Variants in LRP1B observed in about 807,000 individuals in gnomAD.
LRP1B encodes LDL receptor related protein 1B.
Under a neutral mutation model 556.6 loss-of-function variants are expected in LRP1B, and 217 were observed. The observed-to-expected ratio is 0.39, with a 90% confidence interval of 0.35 to 0.44. The LOEUF is 0.44. Ranked by LOEUF, LRP1B falls within the 20% of genes least tolerant of loss-of-function variation. The pLI is 1.00. For missense variants in LRP1B, 5,053 were observed against 5,620.8 expected (o/e 0.90, Z 3.23); for synonymous variants, 2,047 against 1,865.8 (o/e 1.10, Z -2.50).
At chr2:140,359,737 T>C (rs758556970) in intron 72 of LRP1B, among the ~76,000 whole-genome samples, 1 of 151,664 alleles carries the variant, frequency 6.6e-6, no homozygotes, top group Non-Finnish European at 1.5e-5. Context: ...CAATTCTCTA[T>C]CTAGTTCAAA....
intron 72 of LRP1B, among the ~76,000 whole-genome samples, chr2:140,360,566 A>C (rs915890369): frequency 6.6e-6 from 1 of 151,572 alleles, no homozygotes. Flanking sequence ...ATTAACTTCA[A>C]AATCACCACC....
intron 47 of LRP1B, among the ~76,000 whole-genome samples, chr2:140,532,949 C>CTATATCTATATCTATATCTAT (rs1343861885): frequency 2.3e-5 from 1 of 43,472 alleles, no homozygotes. Context: ...TATATATATA[C>CTATATCTATATCTATATCTAT]ACATATATAT....
In LRP1B at chr2:141,274,674, C is replaced by T. The variant is rs549394979; in HGVS notation, c.344-20033G>A. Among the ~76,000 whole-genome samples, 326 of 152,172 alleles carry T rather than the reference C, an allele frequency of 2.1e-3. 1 individual carries two copies. The highest frequency in any genetic ancestry group is 7.3e-3 in the African/African-American group (302 of 41,524). ...AATATATTAAAAATCTTTAGATTTT[C>T]ATACTTCAGTTGGGTAAATTGTATG... On this transcript the variant is annotated intron_variant, in intron 3 of 90. Coordinates refer to ENST00000389484, the MANE Select transcript of LRP1B (RefSeq NM_018557.3).
chr2:140,548,956 CA>C (rs1378334318), intron 43 of LRP1B, among the ~76,000 whole-genome samples: 2 of 151,764 alleles, frequency 1.3e-5, no homozygotes, highest in African/African-American at 4.8e-5. Context: ...CAAACAAAAA[CA>C]AAAAAACTGT....
intron 66 of LRP1B, among the ~76,000 whole-genome samples, chr2:140,394,722 G>C (rs1684176749): frequency 1.3e-5 from 2 of 152,124 alleles, no homozygotes; most frequent in South Asian, 4.2e-4. Context: ...TGTGTCTAAG[G>C]AGAAAGCAAA....
intron 5 of LRP1B, among the ~76,000 whole-genome samples, chr2:141,241,047 CAT>C (rs1403246355): frequency 1.3e-5 from 2 of 152,006 alleles, no homozygotes; most frequent in African/African-American, 4.8e-5. Context: ...CCAAAACCAA[CAT>C]AGAATATTCA....
intron 67 of LRP1B, among the ~76,000 whole-genome samples, chr2:140,384,911 TG>T (rs1353287722): frequency 2.0e-5 from 3 of 152,194 alleles, no homozygotes; most frequent in Non-Finnish European, 4.4e-5. Context: ...TAAACATGCT[TG>T]TATAGCTTTC....
chr2:142,013,979 A>G (rs900134665), intron 1 of LRP1B, among the ~76,000 whole-genome samples: 32 of 152,286 alleles, frequency 2.1e-4, no homozygotes, highest in African/African-American at 7.5e-4. Context: ...AGGAATTCCT[A>G]TTTTTGCCTT....
At chr2:141,923,984 A>G (rs1700267693) in intron 1 of LRP1B, among the ~76,000 whole-genome samples, 1 of 152,046 alleles carries the variant, frequency 6.6e-6, no homozygotes, top group Non-Finnish European at 1.5e-5. Context: ...ATTGATATGG[A>G]CAGGAGACAG....
At chr2:141,639,070 A>G (rs1469443086) in intron 2 of LRP1B, among the ~76,000 whole-genome samples, 2 of 123,672 alleles carry the variant, frequency 1.6e-5, no homozygotes, top group African/African-American at 5.8e-5. Flanking sequence ...CAGTATCCAT[A>G]AGTGGCACTG....
In LRP1B at chr2:140,922,970, C is replaced by T. The variant is rs2105258169; in HGVS notation, c.3314G>A (p.Ser1105Asn). Residue 1105 changes from serine (S) to asparagine (N), a missense_variant, in exon 21 of 91, where the codon AGT becomes AAT. Ser to Asn is a conservative substitution (Grantham distance 46). This residue lies in a region of LRP1B where 3,619 missense variants were observed against 3,931.9 expected (regional missense o/e 0.92). Transcript: ENST00000389484. ...CDHKTKFSCWSTGRCINKAWV... is the reference protein window; with the variant it reads ...CDHKTKFSCWNTGRCINKAWV... Reference sequence around the variant, plus strand: ...CAAAAGCAATGTTCACTTACCTGTACTCCAACAGGAAAACTTGGTTTTGTG... The same window carrying T: ...CAAAAGCAATGTTCACTTACCTGTATTCCAACAGGAAAACTTGGTTTTGTG... 1.2e-6 allele frequency: 2 copies of T among 1,612,002 alleles called. No homozygotes were observed. Among genetic ancestry groups the T allele is most frequent in the Non-Finnish European group, 1.7e-6 (2 of 1,178,720 alleles).
intron 37 of LRP1B, among the ~76,000 whole-genome samples, chr2:140,702,828 ATC>A (rs1686697277): frequency 6.6e-6 from 1 of 152,018 alleles, no homozygotes; most frequent in Non-Finnish European, 1.5e-5. Context: ...CTCTTCTCCA[ATC>A]TGTTTGCCTA....
At chr2:140,788,125 C>T (rs968882238) in intron 32 of LRP1B, among the ~76,000 whole-genome samples, 6 of 152,040 alleles carry the variant, frequency 3.9e-5, no homozygotes, top group Non-Finnish European at 5.9e-5. Flanking sequence ...AGAAACATTC[C>T]ACCATATTAA....
rs533073798 is a variant in LRP1B, at chr2:140,491,635, CA to C, written c.9120+972del. Among the ~76,000 whole-genome samples the C allele has an allele frequency of 1.1e-4, 16 of 152,036 alleles. No homozygotes were observed. The South Asian group carries it at 1.9e-3, about 18-fold the overall frequency. On this transcript the variant is annotated intron_variant, in intron 57 of 90. Transcript: ENST00000389484. ...ATAAACTAGGAAACTATTTGGGCAG[CA>C]AAAAACTTTCCCTCTTGAAGCAGTT... is the stretch of plus-strand genomic sequence containing the variant.
intron 2 of LRP1B, among the ~76,000 whole-genome samples, chr2:141,696,346 A>T (rs73963530): frequency 0.018 from 2,758 of 152,100 alleles, 86 homozygotes; most frequent in African/African-American, 0.063. Flanking sequence ...TCATCAAATA[A>T]TCATGCTGAA....
rs1420551700 is a variant in LRP1B at position 141,229,276 on chromosome 2, T to G, written c.757A>C (p.Arg253=). 3.7e-6 allele frequency: 6 copies of G among 1,611,652 alleles called. No homozygotes were observed. The highest frequency in any genetic ancestry group is 4.2e-6 in the Non-Finnish European group (5 of 1,177,962). ...NEDMICWIES[R]ESSNQLKCIQ... ...CATTTGAGTTGATTTGAAGATTCTC[T>G]TGATTCAATCCAACAAATCATATCT... is the stretch of plus-strand genomic sequence containing the variant. The change falls in exon 6 of 91, where the codon AGA becomes CGA. Residue 253 remains arginine, a synonymous_variant. Transcript: ENST00000389484.
intron 74 of LRP1B, among the ~76,000 whole-genome samples, chr2:140,357,704 A>G (rs997393031): frequency 6.6e-6 from 1 of 151,766 alleles, no homozygotes; most frequent in Non-Finnish European, 1.5e-5. Flanking sequence ...ACTAAATGAT[A>G]TAGATTACAT....
At position 140,456,390 on chromosome 2, in the gene LRP1B, T is replaced by C. The variant is rs1350164354; in HGVS notation, c.9963+65A>G. 5 of 1,476,074 alleles carry C rather than the reference T, an allele frequency of 3.4e-6. No individual in the cohort carries two copies. The Admixed American group carries it at 5.9e-5, about 17-fold the overall frequency. The allele number at this position is 1,476,074 out of a possible 1,614,324, so 91.4% of individuals were successfully genotyped here. On this transcript the variant is annotated intron_variant, in intron 62 of 90. Coordinates refer to ENST00000389484, the MANE Select transcript of LRP1B (RefSeq NM_018557.3). Reference sequence around the variant, plus strand: ...TGTATGGAATGATCATTCAATGTTATGCTAAACAAAAGAGCTGATGTTTCA... The same window carrying C: ...TGTATGGAATGATCATTCAATGTTACGCTAAACAAAAGAGCTGATGTTTCA...
chr2:141,103,535 T>TCTCTCTCTCTCTCTCTCTCTCTC (rs1553460368), intron 7 of LRP1B, among the ~76,000 whole-genome samples: 6 of 151,872 alleles, frequency 4.0e-5, no homozygotes, highest in South Asian at 4.1e-4. Context: ...TCTCTCTCTC[T>TCTCTCTCTCTCTCTCTCTCTCTC]TAAAAAGTTC....
Sources: allele counts gnomAD v4.1 joint callset (sites outside exome capture counted in the v4.1 genomes callset), GRCh38; gene constraint gnomAD v4.1.1; regional missense constraint gnomAD v4.1.1; transcripts MANE v1.5; gene names NCBI Gene and HGNC (gene_info 2026-07-23, HGNC 2026-07-21).